Variants in ATP6V0A1 observed in about 807,000 individuals in gnomAD.
ATP6V0A1 encodes V-type proton ATPase 116 kDa subunit a 1.
In ATP6V0A1, 43 loss-of-function variants were observed where a neutral mutation model predicts 105.4. That is an observed-to-expected ratio of 0.41 (90% CI 0.32 to 0.53). The LOEUF is 0.53. ATP6V0A1 is among the 20% of genes least tolerant of loss of function. ATP6V0A1 has a pLI of 0.30. For missense variants in ATP6V0A1, 676 were observed against 1,051.1 expected, an observed-to-expected ratio of 0.64 and a Z score of 4.93; for synonymous variants, 362 against 372.8, an observed-to-expected ratio of 0.97 and a Z score of 0.33.
At chr17:42,514,210 G>T (rs757149539) in intron 20 of ATP6V0A1, 79 bp from the exon 21 acceptor site, 6 of 1,507,608 alleles carry the variant, frequency 4.0e-6, no homozygotes, top group Admixed American at 2.1e-5. Context: ...CCTAGAGCAG[G>T]GGGATGGCAG....
At chr17:42,511,668 CT>C (rs1050668782) in intron 19 of ATP6V0A1, 1 of 152,178 alleles carries the variant, frequency 6.6e-6, no homozygotes, top group African/African-American at 2.4e-5. Context: ...CACAGAACAT[CT>C]GTTAGCTTTA....
rs563149436 is a variant in ATP6V0A1 at position 42,465,139 on chromosome 17, T to C, written c.118-1290T>C. On this transcript the variant is annotated intron_variant, in intron 2 of 21. Transcript: ENST00000343619. ...TCCTGAGTAGCTGGGATTACAGGCA[T>C]GTACCATCATGCCCGGCTAATTTTT... Among the ~76,000 whole-genome samples the C allele has an allele frequency of 7.9e-5, 12 of 152,068 alleles. 1 individual carries two copies. In the South Asian group the frequency reaches 2.1e-3, roughly 26 times the overall value.
chr17:42,504,525 C>T (rs2091894659), intron 17 of ATP6V0A1, among the ~76,000 whole-genome samples: 2 of 152,096 alleles, frequency 1.3e-5, no homozygotes, highest in African/African-American at 4.8e-5. Context: ...CCTCCTGTGC[C>T]CTTCGTTGCA....
chr17:42,520,349 C>A, intron 21 of ATP6V0A1: 1 of 440,266 alleles, frequency 2.3e-6, no homozygotes, highest in Non-Finnish European at 4.6e-6. Flanking sequence ...TCCTCCCACC[C>A]TCCCTGAGAG....
At chr17:42,514,600 C>T in intron 21 of ATP6V0A1, 140 bp downstream of exon 21, 1 of 848,400 alleles carries the variant, frequency 1.2e-6, no homozygotes, top group Non-Finnish European at 1.7e-6. Context: ...CACCTCAGGA[C>T]ACCCCAGCAC....
intron 9 of ATP6V0A1, among the ~76,000 whole-genome samples, chr17:42,484,112 C>T (rs2089852048): frequency 1.3e-5 from 2 of 152,156 alleles, no homozygotes; most frequent in South Asian, 4.1e-4. Context: ...GGCTGGAGTG[C>T]AGTGGCGCGA....
At chr17:42,464,165 A>G (rs1275589476) in intron 2 of ATP6V0A1, among the ~76,000 whole-genome samples, 1 of 152,204 alleles carries the variant, frequency 6.6e-6, no homozygotes, top group Non-Finnish European at 1.5e-5. Context: ...TTAACTTTGT[A>G]AGAAACTGCC....
intron 11 of ATP6V0A1, among the ~76,000 whole-genome samples, chr17:42,493,497 T>A (rs945130026): frequency 2.6e-5 from 4 of 152,186 alleles, no homozygotes; most frequent in African/African-American, 7.2e-5. Flanking sequence ...GTTCTTTGTT[T>A]GAAATGTTAT....
At chr17:42,516,759 C>T (rs1168459603) in intron 21 of ATP6V0A1, among the ~76,000 whole-genome samples, 1 of 152,238 alleles carries the variant, frequency 6.6e-6, no homozygotes, top group Admixed American at 6.5e-5. Context: ...GTGGCCTCCC[C>T]GTGTCTTCCC....
intron 21 of ATP6V0A1, among the ~76,000 whole-genome samples, chr17:42,516,979 C>T (rs1327824903): frequency 1.3e-5 from 2 of 152,212 alleles, no homozygotes; most frequent in African/African-American, 4.8e-5. Flanking sequence ...GGCTGCTCTG[C>T]TTAAAAGTGG....
intron 17 of ATP6V0A1, among the ~76,000 whole-genome samples, chr17:42,502,569 A>G (rs2091760321): frequency 6.6e-6 from 1 of 152,198 alleles, no homozygotes; most frequent in Non-Finnish European, 1.5e-5. Flanking sequence ...GGTATCCAAT[A>G]GCACTTACTT....
chr17:42,492,652 G>A (rs2090765005), intron 11 of ATP6V0A1, among the ~76,000 whole-genome samples: 1 of 145,246 alleles, frequency 6.9e-6, no homozygotes, highest in Non-Finnish European at 1.5e-5. Flanking sequence ...GTTGCCGTGA[G>A]CCGATATTGC....
chr17:42,514,068 A>C (rs955498821), intron 20 of ATP6V0A1, 90 bp downstream of exon 20: 7 of 1,427,736 alleles, frequency 4.9e-6, no homozygotes, highest in East Asian at 2.3e-5. Context: ...TGGAAATTAC[A>C]TGAAGGTTCT....
intron 5 of ATP6V0A1, among the ~76,000 whole-genome samples, chr17:42,475,019 C>A (rs2088544128): frequency 6.6e-6 from 1 of 152,102 alleles, no homozygotes; most frequent in Admixed American, 6.6e-5. Flanking sequence ...GCATCTTTTA[C>A]CATAAGCACC....
chr17:42,478,451 T>C lies in ATP6V0A1; in HGVS notation c.507-12T>C, dbSNP rs1427313671. 1.3e-6 allele frequency: 2 copies of C among 1,580,080 alleles called. No individual in the cohort carries two copies. The highest frequency in any genetic ancestry group is 1.1e-5 in the South Asian group (1 of 87,090). On this transcript the variant is annotated splice_polypyrimidine_tract_variant and intron_variant, in intron 6 of 21. Coordinates refer to ENST00000343619, the MANE Select transcript of ATP6V0A1 (RefSeq NM_001130021.3). ...TGGAATAGAGTTTCCAATCTGCCTC[T>C]TCTCCCCACAGCTTCGTGGCTGGTG...
At chr17:42,501,016 T>G in intron 16 of ATP6V0A1, 93 bp downstream of exon 16, 1 of 1,354,238 alleles carries the variant, frequency 7.4e-7, no homozygotes, top group East Asian at 2.3e-5. Flanking sequence ...TAACTGCCCT[T>G]CTATGGGACA....
intron 17 of ATP6V0A1, chr17:42,502,879 TA>T (rs1164259640): frequency 3.9e-5 from 6 of 152,614 alleles, no homozygotes; most frequent in Admixed American, 3.9e-4. Flanking sequence ...GTGAGTGAAT[TA>T]AAACCAACAA....
chr17:42,486,687 C>T (rs1268960306), intron 9 of ATP6V0A1, among the ~76,000 whole-genome samples: 2 of 152,180 alleles, frequency 1.3e-5, no homozygotes, highest in Admixed American at 1.3e-4. Context: ...CCCATGTTCC[C>T]AGTGTAGGCT....
At chr17:42,487,450 G>A (rs945259834) in intron 10 of ATP6V0A1, 83 bp downstream of exon 10, 26 of 1,415,712 alleles carry the variant, frequency 1.8e-5, no homozygotes, top group African/African-American at 4.2e-5. Context: ...ATTTTTGGCC[G>A]GGCGCGGTGG....
Sources: allele counts gnomAD v4.1 joint callset (sites outside exome capture counted in the v4.1 genomes callset), GRCh38; gene constraint gnomAD v4.1.1; transcripts MANE v1.5; gene names NCBI Gene and HGNC (gene_info 2026-07-23, HGNC 2026-07-21).